CHD1L: variants seen among roughly 807,000 people sequenced by gnomAD.
The protein encoded by CHD1L is ATP-dependent chromatin remodeler CHD1L.
In CHD1L, 118 loss-of-function variants were observed where a neutral mutation model predicts 115.9. The ratio of observed to expected loss-of-function variants is 1.02; its 90% CI spans 0.88 to 1.19. The LOEUF (loss-of-function observed/expected upper bound fraction) is 1.19, where lower values mean the gene tolerates loss of function less well. Ranked by LOEUF, CHD1L falls within the 50% of genes most tolerant of loss-of-function variation. CHD1L has a pLI of 0.00. For missense variants in CHD1L, 1,179 were observed against 1,065.3 expected (o/e 1.11, Z -1.49); for synonymous variants, 411 against 387.1 (o/e 1.06, Z -0.72).
chr1:147,253,708 G>C (rs7514759), intron 2 of CHD1L, among the ~76,000 whole-genome samples: 40,624 of 152,106 alleles, frequency 0.27, 6,571 homozygotes, highest in East Asian at 0.59. Context: ...ATGTTGCCCA[G>C]GCTGGCCTTG....
At chr1:147,209,849 C>G in the CHD1L span, 1 of 152,128 alleles carries the variant, frequency 6.6e-6, no homozygotes, top group African/African-American at 2.4e-5. Flanking sequence ...TAATCTAAAA[C>G]CCTCATTCTT....
the CHD1L span, among the ~76,000 whole-genome samples, chr1:147,196,482 AAAAG>A: frequency 1.3e-5 from 2 of 152,026 alleles, no homozygotes; most frequent in Non-Finnish European, 2.9e-5. Flanking sequence ...CCCAATTCAT[AAAAG>A]AAAGAAAAAA....
At chr1:147,289,168 A>T (rs1158946720) in intron 19 of CHD1L, among the ~76,000 whole-genome samples, 1 of 152,178 alleles carries the variant, frequency 6.6e-6, no homozygotes, top group Non-Finnish European at 1.5e-5. Context: ...GCAAAGCAAA[A>T]CCCAGGGAAG....
chr1:147,199,158 A>G, the CHD1L span, among the ~76,000 whole-genome samples: 1 of 152,176 alleles, frequency 6.6e-6, no homozygotes, highest in Non-Finnish European at 1.5e-5. Context: ...AATTCCAGAG[A>G]ACAGAAGAAG....
the CHD1L span, among the ~76,000 whole-genome samples, chr1:147,216,471 T>C: frequency 6.6e-6 from 1 of 151,962 alleles, no homozygotes; most frequent in Non-Finnish European, 1.5e-5. Flanking sequence ...CAGGAAAGAG[T>C]GTAACAGTTT....
chr1:147,256,257 G>GGA (rs1553940303), intron 4 of CHD1L, among the ~76,000 whole-genome samples: 1 of 152,118 alleles, frequency 6.6e-6, no homozygotes, highest in African/African-American at 2.4e-5. Flanking sequence ...GTCTGTTACT[G>GGA]GAGGATAGGA....
chr1:147,249,244 T>G (rs587764202), intron 1 of CHD1L, among the ~76,000 whole-genome samples: 1 of 152,248 alleles, frequency 6.6e-6, no homozygotes, highest in South Asian at 2.1e-4. Context: ...TGTTGTGGCA[T>G]TTCTTTCTGG....
the CHD1L span, among the ~76,000 whole-genome samples, chr1:147,196,436 T>C: frequency 6.6e-6 from 1 of 151,810 alleles, no homozygotes; most frequent in Non-Finnish European, 1.5e-5. Flanking sequence ...GCTAGAAACA[T>C]GAAGGAGGAG....
chr1:147,179,124 C>T, the CHD1L span: 1 of 1,614,018 alleles, frequency 6.2e-7, no homozygotes, highest in Non-Finnish European at 8.5e-7. Flanking sequence ...AGAAGTTTGT[C>T]ATGCAGGAGG....
the CHD1L span, among the ~76,000 whole-genome samples, chr1:147,184,113 G>C: frequency 1.3e-5 from 2 of 152,222 alleles, no homozygotes; most frequent in Admixed American, 6.5e-5. The surrounding 1 kb of genome is among the most constrained non-coding windows in gnomAD (Gnocchi z 4.4). Context: ...AGAAATCATA[G>C]AAAAACACAG....
At chr1:147,224,275 C>T in the CHD1L span, 1 of 204,826 alleles carries the variant, frequency 4.9e-6, no homozygotes, top group Non-Finnish European at 9.9e-6. Flanking sequence ...AGGCAATGTC[C>T]TGGGTCCTAA....
At chr1:147,227,740 G>C in the CHD1L span, among the ~76,000 whole-genome samples, 1 of 152,328 alleles carries the variant, frequency 6.6e-6, no homozygotes, top group East Asian at 1.9e-4. Flanking sequence ...GAGTGTATGT[G>C]TATGGATGCA....
rs1164291736 is a variant in CHD1L at position 147,250,593 on chromosome 1, C to G, written c.128-2030C>G. 3.3e-5 allele frequency among the ~76,000 whole-genome samples: 5 copies of G among 152,214 alleles called. No homozygotes were observed. In the East Asian group the frequency reaches 9.7e-4, roughly 29 times the overall value. On this transcript the variant is annotated intron_variant, in intron 1 of 22. Transcript: ENST00000369258. ...TTATTGGTTGGTGGGGATAAAAATCCCAGCTCCCTACTTGGCCTTCTCTTA... is the reference window on the plus strand; with the variant it reads ...TTATTGGTTGGTGGGGATAAAAATCGCAGCTCCCTACTTGGCCTTCTCTTA...
chr1:147,205,244 A>G, the CHD1L span, among the ~76,000 whole-genome samples: 1 of 152,230 alleles, frequency 6.6e-6, no homozygotes, highest in Non-Finnish European at 1.5e-5. Context: ...AAAGGTTTTT[A>G]GGAAACACAG....
At chr1:147,189,001 T>C in the CHD1L span, among the ~76,000 whole-genome samples, 5,595 of 152,136 alleles carry the variant, frequency 0.037, 144 homozygotes, top group South Asian at 0.095. Context: ...TCCGGCCAGG[T>C]ACGGTGGCTC....
intron 15 of CHD1L, among the ~76,000 whole-genome samples, chr1:147,283,108 A>G (rs1361362302): frequency 1.3e-5 from 2 of 152,166 alleles, no homozygotes; most frequent in East Asian, 1.9e-4. Context: ...TTTAAAAAGC[A>G]TGGTTGGAAG....
chr1:147,291,755 C>T (rs1230965884), intron 20 of CHD1L, among the ~76,000 whole-genome samples: 4 of 152,108 alleles, frequency 2.6e-5, no homozygotes, highest in South Asian at 2.1e-4. Flanking sequence ...ATCAAGGTAT[C>T]GGCAGGTTTG....
intron 19 of CHD1L, 94 bp downstream of exon 19, chr1:147,287,827 G>A: frequency 2.0e-6 from 2 of 998,540 alleles, no homozygotes; most frequent in Non-Finnish European, 2.9e-6. Flanking sequence ...CACTAGATAA[G>A]GAATTAGAAT....
At chr1:147,178,868 A>T in the CHD1L span, 1 of 1,578,648 alleles carries the variant, frequency 6.3e-7, no homozygotes, top group Non-Finnish European at 8.7e-7. Context: ...GAAGACAATA[A>T]AGATTTGATA....
Sources: allele counts gnomAD v4.1 joint callset (sites outside exome capture counted in the v4.1 genomes callset), GRCh38; gene constraint gnomAD v4.1.1; non-coding constraint Gnocchi (gnomAD v3.1); transcripts MANE v1.5; gene names NCBI Gene and HGNC (gene_info 2026-07-23, HGNC 2026-07-21).